BLM: variants seen among roughly 807,000 people sequenced by gnomAD.
BLM encodes the protein BLM RecQ like helicase.
A neutral mutation model predicts 135.3 loss-of-function variants in BLM; 95 were observed. The ratio of observed to expected loss-of-function variants is 0.70; its 90% CI spans 0.59 to 0.83. The LOEUF (loss-of-function observed/expected upper bound fraction) is 0.83. BLM is among the 40% of genes least tolerant of loss of function. The pLI is 0.00. For synonymous variants in BLM, 520 were observed against 589.2 expected (o/e 0.88, Z 1.70); for missense variants, 1,518 against 1,663.9 (o/e 0.91, Z 1.53).
chr15:90,780,312 A>G (rs1896587894), intron 12 of BLM, among the ~76,000 whole-genome samples: 1 of 152,096 alleles, frequency 6.6e-6, no homozygotes, highest in Admixed American at 6.6e-5. Context: ...TTCAAACTCC[A>G]GATCTCATGA....
chr15:90,771,046 T>TAG (rs1896299730), intron 12 of BLM, among the ~76,000 whole-genome samples: 1 of 152,270 alleles, frequency 6.6e-6, no homozygotes, highest in Admixed American at 6.5e-5. Context: ...GCAAGGATTT[T>TAG]AGAGTCCTCA....
intron 12 of BLM, among the ~76,000 whole-genome samples, chr15:90,775,624 G>C (rs559514473): frequency 6.6e-6 from 1 of 151,548 alleles, no homozygotes; most frequent in Non-Finnish European, 1.5e-5. Flanking sequence ...TGATTCTCCC[G>C]CCTCAGCCTC....
rs753606820 is a variant in BLM at position 90,749,427 on chromosome 15, A to G, written c.159A>G (p.Ser53=). Residue 53 remains serine, a synonymous_variant, in exon 3 of 22, where the codon TCA becomes TCG. Transcript: ENST00000355112. ...SDNNVSVTNV[S]VAKTPVLRNK... ...ACAATGTATCTGTAACTAATGTGTC[A>G]GTAGCAAAAACACCTGTATTAAGAA... The G allele has an allele frequency of 1.9e-6, 3 of 1,611,486 alleles. No homozygotes were observed. The South Asian group carries it at 3.3e-5, about 18-fold the overall frequency.
chr15:90,788,132 ATTATCT>A (rs1019310782), intron 14 of BLM, among the ~76,000 whole-genome samples: 1 of 152,162 alleles, frequency 6.6e-6, no homozygotes, highest in Non-Finnish European at 1.5e-5. Context: ...TGGGGTGGAA[ATTATCT>A]TTGTTGACAA....
chr15:90,800,221 C>G (rs1316139573), intron 17 of BLM, among the ~76,000 whole-genome samples: 3 of 152,200 alleles, frequency 2.0e-5, no homozygotes, highest in Non-Finnish European at 2.9e-5. Context: ...GGAACCCAAA[C>G]CAGACTGACA....
At chr15:90,743,708 T>G (rs1459282163) in intron 1 of BLM, among the ~76,000 whole-genome samples, 3 of 152,180 alleles carry the variant, frequency 2.0e-5, no homozygotes, top group Non-Finnish European at 4.4e-5. Context: ...ATTTTCTTTT[T>G]GTGTCCAACA....
intron 1 of BLM, among the ~76,000 whole-genome samples, chr15:90,745,258 A>G (rs1895469837): frequency 6.6e-6 from 1 of 152,210 alleles, no homozygotes; most frequent in African/African-American, 2.4e-5. Flanking sequence ...AAGGATGATC[A>G]CTGTATTGGA....
intron 1 of BLM, among the ~76,000 whole-genome samples, chr15:90,720,556 T>G (rs1220050165): frequency 1.3e-5 from 2 of 152,220 alleles, no homozygotes; most frequent in Non-Finnish European, 2.9e-5. Context: ...AGCTGTAGCC[T>G]TAATGTATTC....
In BLM at chr15:90,747,653, C is replaced by T. The variant is rs1456897041; in HGVS notation, c.98+163C>T. On this transcript the variant is annotated intron_variant, in intron 2 of 21. Coordinates refer to ENST00000355112, the MANE Select transcript of BLM (RefSeq NM_000057.4). Reference sequence around the variant, plus strand: ...CAATTAATGGTAGAGTATGTTTTAGCAGCACCAGGTGAGATTGTGTCTCAT... The same window carrying T: ...CAATTAATGGTAGAGTATGTTTTAGTAGCACCAGGTGAGATTGTGTCTCAT... The T allele has an allele frequency of 4.8e-6, 3 of 626,796 alleles. No homozygotes were observed. The African/African-American group carries it at 5.5e-5, about 11-fold the overall frequency. The allele number at this position is 626,796 out of a possible 1,614,324, so 38.8% of individuals were successfully genotyped here.
chr15:90,755,923 T>C (rs1895805265), intron 5 of BLM, among the ~76,000 whole-genome samples: 1 of 152,146 alleles, frequency 6.6e-6, no homozygotes, highest in Non-Finnish European at 1.5e-5. Flanking sequence ...GTGCGGGTCA[T>C]GTGTGTAGTG....
At chr15:90,740,971 G>A (rs1048310241) in intron 1 of BLM, among the ~76,000 whole-genome samples, 1 of 152,122 alleles carries the variant, frequency 6.6e-6, no homozygotes, top group Non-Finnish European at 1.5e-5. Flanking sequence ...TATGAAAATG[G>A]ACTAGAACAC....
chr15:90,757,401 A>G (rs980467564), intron 5 of BLM, among the ~76,000 whole-genome samples: 6 of 152,166 alleles, frequency 3.9e-5, no homozygotes, highest in African/African-American at 1.4e-4. Flanking sequence ...TCTGATAGCT[A>G]GGTACCCCCT....
chr15:90,788,471 G>GTTTTTTTTTTTTTTTTTTTTTTTTT (rs35158343), intron 14 of BLM, among the ~76,000 whole-genome samples: 10 of 94,994 alleles, frequency 1.1e-4, no homozygotes, highest in East Asian at 3.3e-4. Context: ...CCAGTGTTTT[G>GTTTTTTTTTTTTTTTTTTTTTTTTT]TTTTTTTTTT....
rs1288732139 is a variant in BLM at position 90,769,041 on chromosome 15, T to G, written c.2308-92T>G. ...GCACCCGGCCTTATAGAGGTTTTAATACAGCTTAAGTTGTGATGGAATTTG... is the reference window on the plus strand; with the variant it reads ...GCACCCGGCCTTATAGAGGTTTTAAGACAGCTTAAGTTGTGATGGAATTTG... On this transcript the variant is annotated intron_variant, in intron 10 of 21. Transcript: ENST00000355112. The G allele has an allele frequency of 6.9e-6, 8 of 1,155,562 alleles. No homozygotes were observed. In the Admixed American group the frequency reaches 1.3e-4, roughly 19 times the overall value. 71.6% of individuals were successfully genotyped at this position (1,155,562 alleles called of 1,614,324 possible).
At chr15:90,722,151 C>G (rs1339570114) in intron 1 of BLM, among the ~76,000 whole-genome samples, 1 of 151,836 alleles carries the variant, frequency 6.6e-6, no homozygotes, top group Non-Finnish European at 1.5e-5. Context: ...ACTCTCTCTC[C>G]CAGTCTGGAG....
intron 10 of BLM, among the ~76,000 whole-genome samples, chr15:90,767,787 C>T (rs2518967): frequency 0.78 from 118,050 of 152,050 alleles, 47,079 homozygotes; most frequent in African/African-American, 0.94. Context: ...TTTGAGACTA[C>T]GTAAATACCC....
chr15:90,804,166 G>C lies in BLM; in HGVS notation c.3559-1G>C. 1 of 1,613,150 alleles carries C rather than the reference G, an allele frequency of 6.2e-7. No individual in the cohort carries two copies. The highest frequency in any genetic ancestry group is 8.5e-7 in the Non-Finnish European group (1 of 1,179,256). ...CTATGATTTGTTTCTCTCTCATAAA[G>C]GTAGACTTTATGGAAACAGAAAATT... On this transcript the variant is annotated splice_acceptor_variant, in intron 18 of 21. Transcript: ENST00000355112. LOFTEE classifies it high-confidence loss of function.
Position 90,776,462 on chromosome 15 carries a change from C to A in BLM, c.2556-6360C>A, listed in dbSNP as rs567606911. The stretch of plus-strand genomic sequence containing the variant: ...TACTGTTAGTTTCAGTATACCTTTC[C>A]AATATGATATTTTTGACAAAATACT... On this transcript the variant is annotated intron_variant, in intron 12 of 21. Transcript: ENST00000355112. 3.3e-5 allele frequency among the ~76,000 whole-genome samples: 5 copies of A among 152,250 alleles called. No individual in the cohort carries two copies. In the South Asian group the frequency reaches 1.0e-3, roughly 32 times the overall value.
intron 3 of BLM, 133 bp downstream of exon 3, chr15:90,750,200 A>G (rs1895645221): frequency 1.0e-6 from 1 of 997,632 alleles, no homozygotes; most frequent in Admixed American, 2.1e-5. Context: ...TGCTTTTTGA[A>G]TAATCTGTTG....
Sources: gnomAD v4.1 joint callset for allele counts (sites outside exome capture counted in the v4.1 genomes callset) on GRCh38, gnomAD v4.1.1 for gene constraint, MANE v1.5 for transcripts, NCBI Gene and HGNC (gene_info 2026-07-23, HGNC 2026-07-21) for gene names.